DNAH9: variants seen among roughly 807,000 people sequenced by gnomAD.
DNAH9 encodes the protein dynein axonemal heavy chain 9, also known as DNAH9 variant protein.
DNAH9 carries 345 observed loss-of-function variants against 471.6 expected under a neutral mutation model. That is an observed-to-expected ratio of 0.73 (90% CI 0.67 to 0.80). The LOEUF (loss-of-function observed/expected upper bound fraction) is 0.80, where lower values mean the gene tolerates loss of function less well. DNAH9 is among the 30% of genes least tolerant of loss of function. The pLI is 0.00. For synonymous variants in DNAH9, 2,093 were observed against 2,123.6 expected, an observed-to-expected ratio of 0.99 and a Z score of 0.40; for missense variants, 5,407 against 5,609.2, an observed-to-expected ratio of 0.96 and a Z score of 1.15.
In DNAH9 at chr17:11,884,443, G is replaced by A. The variant is rs116212779; in HGVS notation, c.10971+693G>A. On this transcript the variant is annotated intron_variant, in intron 56 of 68. Coordinates refer to ENST00000262442, the MANE Select transcript of DNAH9 (RefSeq NM_001372.4). ...CTCAGTCTCGCGCTTGCATCAGAAG[G>A]GCATTGGAGATATTGGCCCTGAGCA... 4.1e-3 allele frequency: 1,511 copies of A among 364,620 alleles called. 22 individuals carry two copies. The highest frequency in any genetic ancestry group is 0.028 in the African/African-American group (1,352 of 47,456). The allele number at this position is 364,620 out of a possible 1,614,324, so 22.6% of individuals were successfully genotyped here.
At chr17:11,612,221 A>G in intron 4 of DNAH9, 1 of 339,736 alleles carries the variant, frequency 2.9e-6, no homozygotes, top group Non-Finnish European at 5.5e-6. Context: ...CAGGGTGGTC[A>G]TGTGAGTCCA....
chr17:11,831,068 T>C (rs902256511), intron 48 of DNAH9, among the ~76,000 whole-genome samples: 8 of 152,194 alleles, frequency 5.3e-5, no homozygotes, highest in African/African-American at 1.9e-4. Flanking sequence ...CAAATTCATA[T>C]CAGAAAGAGC....
rs773801947 is a variant in DNAH9 at position 11,738,989 on chromosome 17, G to A, written c.5924G>A (p.Gly1975Asp). ...SVGIFITMNP[G>D]YAGRTELPEN... is the part of the protein sequence containing the mutation. ...GGTATCTTCATCACCATGAACCCAG[G>A]CTATGCTGGCCGCACAGAGCTGCCA... Residue 1975 changes from glycine to aspartate, a missense_variant, in exon 29 of 69, where the codon GGC becomes GAC. By Grantham distance (94) the Gly-to-Asp change is moderately conservative. This residue lies in a region of DNAH9 where 4,636 missense variants were observed against 4,900.3 expected (regional missense o/e 0.95). Transcript: ENST00000262442. The A allele has an allele frequency of 1.9e-6, 3 of 1,614,126 alleles. No individual in the cohort carries two copies. Among genetic ancestry groups the A allele is most frequent in the South Asian group, 2.2e-5 (2 of 91,068 alleles).
chr17:11,887,057 C>A (rs1972903547), intron 57 of DNAH9, 92 bp downstream of exon 57: 2 of 1,460,516 alleles, frequency 1.4e-6, no homozygotes, highest in African/African-American at 1.4e-5. Context: ...CATGTAAGAT[C>A]ATTAGCTATG....
At chr17:11,627,456 A>T (rs963214839) in intron 6 of DNAH9, among the ~76,000 whole-genome samples, 1 of 152,224 alleles carries the variant, frequency 6.6e-6, no homozygotes. Flanking sequence ...CATCCACAGA[A>T]TTATGACGAA....
chr17:11,621,123 C>G (rs1284721536), intron 6 of DNAH9, among the ~76,000 whole-genome samples: 2 of 151,882 alleles, frequency 1.3e-5, no homozygotes. Flanking sequence ...AAGATTAAGA[C>G]AAGAGGCCGG....
chr17:11,699,659 G>T, intron 22 of DNAH9, 72 bp from the exon 23 acceptor site: 1 of 1,347,616 alleles, frequency 7.4e-7, no homozygotes, highest in Non-Finnish European at 1.1e-6. Flanking sequence ...CACATGGTAG[G>T]CCTCTAAACA....
chr17:11,611,731 G>C lies in DNAH9; in HGVS notation c.855G>C (p.Gln285His), dbSNP rs755495278. Residue 285 changes from glutamine to histidine, a missense_variant, in exon 4 of 69, where the codon CAG (glutamine) becomes CAC (histidine). Physicochemically the swap from Gln to His is conservative, Grantham distance 24. This residue lies in a region of DNAH9 where 767 missense variants were observed against 692.5 expected (regional missense o/e 1.11). Transcript: ENST00000262442. ...RGMAKLLDKL[Q>H]SSYFPAFKAM... ...TGGCCAAGCTCCTGGACAAGCTTCA[G>C]AGTAGCTACTTTCCAGCTTTCAAAG... 3.7e-6 allele frequency: 6 copies of C among 1,613,906 alleles called. No individual in the cohort carries two copies. Among genetic ancestry groups the C allele is most frequent in the Non-Finnish European group, 5.1e-6 (6 of 1,179,838 alleles).
intron 3 of DNAH9, among the ~76,000 whole-genome samples, chr17:11,610,842 C>A (rs2072619039): frequency 2.0e-5 from 3 of 152,092 alleles, no homozygotes; most frequent in Admixed American, 2.0e-4. Context: ...TAAAATTAAT[C>A]AACTCTTTAA....
Position 11,854,442 on chromosome 17 carries a change from G to A in DNAH9, c.9933+14G>A. On this transcript the variant is annotated intron_variant, in intron 50 of 68. Transcript: ENST00000262442. ...GCCAAGATCGCTGTGAGTGACCCCA[G>A]AGCCCCTCACCCTGCTAGTCCGCCT... The A allele has an allele frequency of 6.2e-7, 1 of 1,603,222 alleles. No homozygotes were observed. The highest frequency in any genetic ancestry group is 8.5e-7 in the Non-Finnish European group (1 of 1,174,284).
intron 67 of DNAH9, among the ~76,000 whole-genome samples, chr17:11,957,864 G>A (rs992631170): frequency 2.6e-5 from 4 of 152,132 alleles, no homozygotes; most frequent in African/African-American, 9.7e-5. Flanking sequence ...CAGGTAAATG[G>A]TACACAAGAT....
intron 24 of DNAH9, among the ~76,000 whole-genome samples, chr17:11,703,957 G>A (rs1174108112): frequency 6.6e-6 from 1 of 152,172 alleles, no homozygotes; most frequent in Non-Finnish European, 1.5e-5. Flanking sequence ...AGTCAATCTT[G>A]GGTTCTTCTC....
chr17:11,760,907 C>G (rs1219776741), intron 35 of DNAH9, among the ~76,000 whole-genome samples: 1 of 152,202 alleles, frequency 6.6e-6, no homozygotes, highest in Non-Finnish European at 1.5e-5. Flanking sequence ...TAGTAACAGG[C>G]ACTTGCTTTA....
chr17:11,606,800 C>G (rs1226638963), intron 1 of DNAH9, among the ~76,000 whole-genome samples: 2 of 152,068 alleles, frequency 1.3e-5, no homozygotes, highest in African/African-American at 4.8e-5. Flanking sequence ...AACAAAGTTA[C>G]CAAGACTTGG....
chr17:11,769,530 GTCTT>G (rs1438487552), intron 38 of DNAH9, among the ~76,000 whole-genome samples: 3 of 152,110 alleles, frequency 2.0e-5, no homozygotes, highest in East Asian at 1.9e-4. Context: ...ACTGCTTCTG[GTCTT>G]TCTTTCTACA....
chr17:11,692,135 G>T (rs943588298), intron 20 of DNAH9, among the ~76,000 whole-genome samples: 22 of 152,278 alleles, frequency 1.4e-4, no homozygotes, highest in African/African-American at 4.6e-4. Flanking sequence ...TGGGCAAGGG[G>T]CAGGATCACA....
At chr17:11,874,213 C>G (rs1367438651) in intron 52 of DNAH9, among the ~76,000 whole-genome samples, 1 of 145,918 alleles carries the variant, frequency 6.9e-6, no homozygotes, top group Non-Finnish European at 1.5e-5. Flanking sequence ...CCATTGCACT[C>G]CAGCCTGTGT....
In DNAH9 at chr17:11,969,680, G is replaced by A. The variant is rs1439166144; in HGVS notation, c.*153G>A. On this transcript the variant is annotated 3_prime_UTR_variant, in exon 69 of 69. Transcript: ENST00000262442. The stretch of plus-strand genomic sequence containing the variant: ...ATTCCTCTAGGGAACTTGGAGAGGT[G>A]TGCCTAAGGTGAGGCTGAGCTGAAG... 4 of 656,400 alleles carry A rather than the reference G, an allele frequency of 6.1e-6. No homozygotes were observed. The highest frequency in any genetic ancestry group is 7.7e-6 in the Non-Finnish European group (3 of 390,928). The allele number at this position is 656,400 out of a possible 1,614,324, so 40.7% of individuals were successfully genotyped here. A position where few individuals can be genotyped will look rare whatever the true frequency, so the allele number is the denominator to read the frequency against.
In DNAH9 at chr17:11,798,447, AAAAAAAAAAAAGAG is replaced by A. The variant is rs1205882988; in HGVS notation, c.8420+656_8420+669del. Among the ~76,000 whole-genome samples the A allele has an allele frequency of 7.6e-4, 113 of 149,464 alleles. 1 individual carries two copies. Among genetic ancestry groups the A allele is most frequent in the East Asian group, 2.0e-3 (10 of 5,108 alleles). On this transcript the variant is annotated intron_variant, in intron 43 of 68. Coordinates refer to ENST00000262442, the MANE Select transcript of DNAH9 (RefSeq NM_001372.4). ...GACTCTGCCTCAAAAAAAAAAAAAA[AAAAAAAAAAAAGAG>A]AGAGAGAGAGAGAGAGATAGAGGGT...
Sources: allele counts gnomAD v4.1 joint callset (sites outside exome capture counted in the v4.1 genomes callset), GRCh38; gene constraint gnomAD v4.1.1; regional missense constraint gnomAD v4.1.1; transcripts MANE v1.5; gene names NCBI Gene and HGNC (gene_info 2026-07-23, HGNC 2026-07-21).